The following SPTBN4 variants were observed in gnomAD, a reference collection of about 807,000 sequenced individuals.
SPTBN4 encodes spectrin beta chain, non-erythrocytic 4.
In SPTBN4, 96 loss-of-function variants were observed where a neutral mutation model predicts 277.8. The ratio of observed to expected loss-of-function variants is 0.35; its 90% CI spans 0.29 to 0.41. The LOEUF (loss-of-function observed/expected upper bound fraction) is 0.41, where lower values mean the gene tolerates loss of function less well. Among genes scored for constraint, SPTBN4 ranks in the 10% least tolerant of loss-of-function variants. The probability of loss-of-function intolerance (pLI) is 1.00; values close to 1 mark genes in which losing one functional copy is unlikely to be tolerated. For missense variants in SPTBN4, 3,006 were observed against 3,595.7 expected, an observed-to-expected ratio of 0.84 and a Z score of 4.19; for synonymous variants, 1,481 against 1,580.3, an observed-to-expected ratio of 0.94 and a Z score of 1.49.
At chr19:40,499,320 G>A (rs533907040) in intron 7 of SPTBN4, among the ~76,000 whole-genome samples, 7 of 151,968 alleles carry the variant, frequency 4.6e-5, no homozygotes, top group African/African-American at 1.4e-4. Context: ...GATTACAGGC[G>A]TGAGCCATCA....
At chr19:40,571,747 C>T (rs2081157431) in intron 33 of SPTBN4, 2 of 342,990 alleles carry the variant, frequency 5.8e-6, no homozygotes, top group Middle Eastern at 8.0e-4. Flanking sequence ...GAGGAGACAG[C>T]TTAAGACTTA....
chr19:40,570,467 C>A lies in SPTBN4; in HGVS notation c.7058C>A (p.Pro2353Gln), dbSNP rs768183870. The stretch of plus-strand genomic sequence containing the variant: ...CTGCCTCAGCCACGCGAGCTTCCCC[C>A]AGGTCGCCTGCCCAACGGGCTTGAG... ...PSLPQPRELP[P>Q]GRLPNGLELP... The change falls in exon 33 of 36, where the codon CCA becomes CAA. Residue 2353 changes from proline (P) to glutamine (Q), a missense_variant. Pro to Gln is a moderately conservative substitution (Grantham distance 76, BLOSUM62 -1). Around this residue, in one of 5 missense-constraint regions of SPTBN4, gnomAD observed 630 missense variants for 677.6 expected, o/e 0.93. Coordinates refer to ENST00000598249, the MANE Select transcript of SPTBN4 (RefSeq NM_020971.3). The A allele has an allele frequency of 1.3e-6, 2 of 1,566,760 alleles. No homozygotes were observed. The highest frequency in any genetic ancestry group is 1.8e-5 in the Admixed American group (1 of 56,844).
Position 40,568,208 on chromosome 19 carries a change from G to A in SPTBN4, c.6882G>A (p.Glu2294=), listed in dbSNP as rs1455007948. The A allele has an allele frequency of 6.3e-7, 1 of 1,599,280 alleles. No homozygotes were observed. Among genetic ancestry groups the A allele is most frequent in the Non-Finnish European group, 8.5e-7 (1 of 1,173,314 alleles). The change falls in exon 31 of 36, where the codon GAG becomes GAA. Residue 2294 remains glutamate, a synonymous_variant. Coordinates refer to ENST00000598249, the MANE Select transcript of SPTBN4 (RefSeq NM_020971.3). ...GRYEQMERRR[E]RRERRLERQE... ...ATGAGCAGATGGAGCGGCGGCGCGAGCGGCGTGAGCGGCGCTTGGAGCGGC... is the reference window on the plus strand; with the variant it reads ...ATGAGCAGATGGAGCGGCGGCGCGAACGGCGTGAGCGGCGCTTGGAGCGGC...
intron 30 of SPTBN4, 40 bp from the exon 31 acceptor site, chr19:40,567,623 C>G: frequency 7.0e-7 from 1 of 1,421,268 alleles, no homozygotes; most frequent in Non-Finnish European, 9.2e-7. Flanking sequence ...CCCGCCCCGG[C>G]CCCACGCCTC....
chr19:40,544,976 TTGA>T (rs2145917343), intron 20 of SPTBN4, among the ~76,000 whole-genome samples: 1 of 152,190 alleles, frequency 6.6e-6, no homozygotes, highest in South Asian at 2.1e-4. Flanking sequence ...CATTTCTCTC[TTGA>T]TGGGCATTGA....
chr19:40,512,539 C>T, intron 13 of SPTBN4, 67 bp from the exon 14 acceptor site: 1 of 1,440,656 alleles, frequency 6.9e-7, no homozygotes, highest in South Asian at 1.4e-5. Flanking sequence ...AGGTAGCCCG[C>T]ACCATCCTCT....
chr19:40,479,086 C>G (rs10418691), intron 2 of SPTBN4, among the ~76,000 whole-genome samples: 4,640 of 152,010 alleles, frequency 0.031, 119 homozygotes, highest in East Asian at 0.077. Context: ...TTGCCCAGCT[C>G]TCTCATGGTT....
Position 40,515,972 on chromosome 19 carries a change from CACATATATACGTATATAT to C in SPTBN4, c.2903+528_2903+545del, listed in dbSNP as rs2080452761. On this transcript the variant is annotated intron_variant, in intron 15 of 35. Coordinates refer to ENST00000598249, the MANE Select transcript of SPTBN4 (RefSeq NM_020971.3). This position sits in a 1 kb window ranked among gnomAD's most constrained non-coding sequence, Gnocchi z 4.1. ...ATATACACATATATACGTATATATA[CACATATATACGTATATAT>C]ACACATATATACGTATATATACACA... 1.4e-4 allele frequency among the ~76,000 whole-genome samples: 21 copies of C among 148,086 alleles called. 1 individual carries two copies. Among genetic ancestry groups the C allele is most frequent in the Middle Eastern group, 3.5e-3 (1 of 282 alleles).
intron 13 of SPTBN4, among the ~76,000 whole-genome samples, chr19:40,507,316 C>CA (rs1042239926): frequency 2.7e-5 from 4 of 149,518 alleles, no homozygotes; most frequent in African/African-American, 7.3e-5. Flanking sequence ...ACCCTGTCAG[C>CA]AAAAAAATAA....
At chr19:40,481,247 G>A (rs1311310315) in intron 2 of SPTBN4, among the ~76,000 whole-genome samples, 1 of 152,094 alleles carries the variant, frequency 6.6e-6, no homozygotes, top group Non-Finnish European at 1.5e-5. Flanking sequence ...ATTGAGACAA[G>A]GTCCCGCTAT....
intron 31 of SPTBN4, 126 bp downstream of exon 31, chr19:40,568,408 T>G: frequency 6.0e-6 from 8 of 1,323,870 alleles, no homozygotes; most frequent in South Asian, 1.6e-5. Context: ...ATCGCCGCGG[T>G]ACCCATTTTG....
chr19:40,569,943 C>CACACAG (rs1394475636), intron 32 of SPTBN4, among the ~76,000 whole-genome samples: 1 of 67,994 alleles, frequency 1.5e-5, no homozygotes, highest in African/African-American at 6.8e-5. Flanking sequence ...CCTCCACACA[C>CACACAG]ACACACACAC....
intron 20 of SPTBN4, among the ~76,000 whole-genome samples, chr19:40,544,127 C>CTTTTTTTTTTTTTTTTTTTT (rs10618096): frequency 1.6e-5 from 2 of 128,912 alleles, no homozygotes; most frequent in Non-Finnish European, 1.6e-5. Context: ...TCTTCTTCCT[C>CTTTTTTTTTTTTTTTTTTTT]TTTTTTTTTT....
In SPTBN4 at chr19:40,472,569, C is replaced by G. The variant is rs2079896999; in HGVS notation, c.-15-38C>G. The G allele has an allele frequency of 5.9e-6, 9 of 1,535,254 alleles. No homozygotes were observed. The South Asian group carries it at 9.7e-5, about 17-fold the overall frequency. The stretch of plus-strand genomic sequence containing the variant: ...AAGCCAGTCACTGTTAGAAATGAGA[C>G]TTGATCCTAGACCTAACCTACCTCT... On this transcript the variant is annotated intron_variant, in intron 1 of 35. Transcript: ENST00000598249.
In SPTBN4 at chr19:40,486,869, A is replaced by G. The variant is rs147007358; in HGVS notation, c.170-828A>G. On this transcript the variant is annotated intron_variant, in intron 2 of 35. Coordinates refer to ENST00000598249, the MANE Select transcript of SPTBN4 (RefSeq NM_020971.3). ...GCACAGAGTGTGCATTCGAATATTT[A>G]TTGAATGAATGAATGACTAGAGCCA... 2.2e-4 allele frequency among the ~76,000 whole-genome samples: 33 copies of G among 152,216 alleles called. No individual in the cohort carries two copies. In the East Asian group the frequency reaches 5.2e-3, roughly 24 times the overall value.
chr19:40,532,409 G>A (rs1322260918), intron 18 of SPTBN4, among the ~76,000 whole-genome samples: 1 of 151,972 alleles, frequency 6.6e-6, no homozygotes, highest in Non-Finnish European at 1.5e-5. Flanking sequence ...TGGGCATTCT[G>A]GGGACCCTTC....
At chr19:40,497,138 C>T (rs2080208021) in intron 6 of SPTBN4, among the ~76,000 whole-genome samples, 1 of 151,174 alleles carries the variant, frequency 6.6e-6, no homozygotes, top group South Asian at 2.1e-4. Context: ...GGGCTGTACA[C>T]ACTCGTATTG....
chr19:40,565,264 C>CA lies in SPTBN4; in HGVS notation c.5916-148dup, dbSNP rs71173654. 7.6e-3 allele frequency among the ~76,000 whole-genome samples: 980 copies of CA among 128,488 alleles called. 6 individuals carry two copies. The highest frequency in any genetic ancestry group is 0.018 in the African/African-American group (653 of 36,080). The allele number at this position is 128,488 out of a possible 152,430, so 84.3% of individuals were successfully genotyped here. On this transcript the variant is annotated intron_variant, in intron 27 of 35. Transcript: ENST00000598249. The stretch of plus-strand genomic sequence containing the variant: ...TGGGCCATAGGGTGAGACTTTATCT[C>CA]AAAAAAAAAAAGAAAAGAAAAGAAA...
At chr19:40,505,758 G>GGAAGGAAGGAAGAA (rs1342025693) in intron 12 of SPTBN4, among the ~76,000 whole-genome samples, 3 of 151,770 alleles carry the variant, frequency 2.0e-5, no homozygotes, top group African/African-American at 7.3e-5. Context: ...AAGGAAGAAA[G>GGAAGGAAGGAAGAA]AAAGGTGAAC....
Sources: allele counts gnomAD v4.1 joint callset (sites outside exome capture counted in the v4.1 genomes callset), GRCh38; gene constraint gnomAD v4.1.1; regional missense constraint gnomAD v4.1.1; non-coding constraint Gnocchi (gnomAD v3.1); transcripts MANE v1.5; gene names NCBI Gene and HGNC (gene_info 2026-07-23, HGNC 2026-07-21).